IL1RAPL2: variants seen among roughly 807,000 people sequenced by gnomAD.
IL1RAPL2 encodes interleukin 1 receptor accessory protein like 2, also known as X-linked interleukin-1 receptor accessory protein-like 2.
IL1RAPL2 carries 3 observed loss-of-function variants against 44.1 expected under a neutral mutation model. The ratio of observed to expected loss-of-function variants is 0.07; its 90% CI spans 0.03 to 0.18. The LOEUF is 0.18. IL1RAPL2 is among the 10% of genes least tolerant of loss of function. The pLI is 1.00. For synonymous variants in IL1RAPL2, 181 were observed against 178.8 expected (o/e 1.01, Z -0.10); for missense variants, 391 against 496.4 (o/e 0.79, Z 2.02).
chrX:105,338,405 A>G (rs1342486388), intron 5 of IL1RAPL2, among the ~76,000 whole-genome samples: 1 of 112,036 alleles, frequency 8.9e-6, no homozygotes, highest in Non-Finnish European at 1.9e-5. Flanking sequence ...GGCTGTTCCT[A>G]AATTCCTTTT....
At chrX:105,224,554 G>T (rs1411072870) in intron 3 of IL1RAPL2, among the ~76,000 whole-genome samples, 1 of 111,641 alleles carries the variant, frequency 9.0e-6, no homozygotes. Context: ...AGCTTATTTG[G>T]TGAGACAACT....
At chrX:104,574,974 A>G (rs1212130926) in intron 1 of IL1RAPL2, among the ~76,000 whole-genome samples, 1 of 112,102 alleles carries the variant, frequency 8.9e-6, no homozygotes, top group Admixed American at 9.5e-5. Flanking sequence ...TAATACAAGC[A>G]TATATTTTAT....
At chrX:105,604,059 T>C (rs2147823799) in intron 6 of IL1RAPL2, among the ~76,000 whole-genome samples, 1 of 107,852 alleles carries the variant, frequency 9.3e-6, no homozygotes, top group South Asian at 4.0e-4. Context: ...GAAAAAAAAG[T>C]AGAAAGATTT....
At chrX:104,897,315 T>C (rs73245719) in intron 2 of IL1RAPL2, among the ~76,000 whole-genome samples, 7,603 of 112,000 alleles carry the variant, frequency 0.068, 222 homozygotes, top group South Asian at 0.11. Flanking sequence ...TCTCTTTTAA[T>C]GTGGCCTTTC....
intron 2 of IL1RAPL2, among the ~76,000 whole-genome samples, chrX:104,802,364 ACAAAT>A (rs1932890842): frequency 9.2e-6 from 1 of 108,701 alleles, no homozygotes; most frequent in Non-Finnish European, 1.9e-5. Context: ...AAAAAACAAA[ACAAAT>A]AAAAAAAAAA....
intron 2 of IL1RAPL2, among the ~76,000 whole-genome samples, chrX:105,029,911 CTGT>C (rs2031454010): frequency 9.0e-6 from 1 of 111,349 alleles, no homozygotes; most frequent in Non-Finnish European, 1.9e-5. Flanking sequence ...TCTCCAGAAC[CTGT>C]TGTTTCCTGA....
At chrX:104,790,666 A>G (rs1319913705) in intron 2 of IL1RAPL2, among the ~76,000 whole-genome samples, 1 of 111,729 alleles carries the variant, frequency 9.0e-6, no homozygotes, top group Non-Finnish European at 1.9e-5. Context: ...TTCAAGCAGT[A>G]CAGAAAAGTA....
chrX:105,168,233 C>T (rs912907909), intron 2 of IL1RAPL2, among the ~76,000 whole-genome samples: 27 of 111,750 alleles, frequency 2.4e-4, no homozygotes, highest in Non-Finnish European at 4.7e-4. Flanking sequence ...TGAGGCAATA[C>T]ATTTTATAGT....
intron 6 of IL1RAPL2, among the ~76,000 whole-genome samples, chrX:105,539,740 C>T (rs1051736922): frequency 1.8e-4 from 20 of 111,560 alleles, no homozygotes. Context: ...AGAAAATCTA[C>T]ACAATGGGAG....
intron 5 of IL1RAPL2, among the ~76,000 whole-genome samples, chrX:105,309,033 A>T (rs2034774260): frequency 9.1e-6 from 1 of 110,022 alleles, no homozygotes; most frequent in African/African-American, 3.3e-5. Flanking sequence ...TAAATTAATT[A>T]ATTAATTAAT....
At chrX:104,957,704 T>C (rs2029927750) in intron 2 of IL1RAPL2, among the ~76,000 whole-genome samples, 2 of 112,138 alleles carry the variant, frequency 1.8e-5, no homozygotes, top group African/African-American at 6.5e-5. Flanking sequence ...TCCTTTGTTA[T>C]TTTCCAAGGG....
At chrX:105,183,541 C>T in intron 2 of IL1RAPL2, among the ~76,000 whole-genome samples, 1 of 111,518 alleles carries the variant, frequency 9.0e-6, no homozygotes, top group South Asian at 3.8e-4. Flanking sequence ...GTGGGGAGAA[C>T]TTGTCATCAA....
At chrX:104,741,177 A>T (rs1932097117) in intron 2 of IL1RAPL2, among the ~76,000 whole-genome samples, 1 of 111,605 alleles carries the variant, frequency 9.0e-6, no homozygotes, top group South Asian at 3.7e-4. Flanking sequence ...TCACTTTGTT[A>T]GAAATAATTC....
chrX:105,749,947 C>A (rs936427785), intron 9 of IL1RAPL2, among the ~76,000 whole-genome samples: 2 of 111,105 alleles, frequency 1.8e-5, no homozygotes, highest in African/African-American at 6.5e-5. Context: ...AGAAAGTAGT[C>A]CAATTTGGAA....
In IL1RAPL2 at chrX:105,151,210, T is replaced by C. The variant is rs139008283; in HGVS notation, c.83-44265T>C. 6.0e-3 allele frequency among the ~76,000 whole-genome samples: 670 copies of C among 111,884 alleles called. 7 individuals are homozygous for C. The highest frequency in any genetic ancestry group is 0.02 in the African/African-American group (628 of 30,774). On this transcript the variant is annotated intron_variant, in intron 2 of 10. Transcript: ENST00000372582. ...CATCAGTGAAATATGTCTAGGATCA[T>C]AGATGGAGATGTAAAAGGTTTAGGA...
intron 2 of IL1RAPL2, among the ~76,000 whole-genome samples, chrX:105,121,276 G>A (rs1484695656): frequency 8.9e-6 from 1 of 111,745 alleles, no homozygotes; most frequent in Non-Finnish European, 1.9e-5. Flanking sequence ...GCACATCACC[G>A]AATTTATGTG....
At chrX:105,407,860 A>G (rs2035659772) in intron 5 of IL1RAPL2, among the ~76,000 whole-genome samples, 1 of 112,084 alleles carries the variant, frequency 8.9e-6, no homozygotes. Context: ...AAGCAATTCT[A>G]TCTATTTACA....
intron 6 of IL1RAPL2, among the ~76,000 whole-genome samples, chrX:105,647,822 C>T (rs1440481937): frequency 8.9e-6 from 1 of 112,211 alleles, no homozygotes; most frequent in East Asian, 2.8e-4. Flanking sequence ...CCCCATTTTC[C>T]CTCACGGGTT....
At chrX:104,674,092 C>G (rs1196127369) in intron 2 of IL1RAPL2, among the ~76,000 whole-genome samples, 1 of 111,448 alleles carries the variant, frequency 9.0e-6, no homozygotes, top group African/African-American at 3.3e-5. Flanking sequence ...CCCTTTATTT[C>G]TTTCTCCTGC....
Sources: allele counts gnomAD v4.1 joint callset (sites outside exome capture counted in the v4.1 genomes callset), GRCh38; gene constraint gnomAD v4.1.1; transcripts MANE v1.5; gene names NCBI Gene and HGNC (gene_info 2026-07-23, HGNC 2026-07-21).